Variants in SAMM50 observed in about 807,000 individuals in gnomAD.
SAMM50 encodes the protein sorting and assembly machinery component 50 homolog.
Under a neutral mutation model 66.9 loss-of-function variants are expected in SAMM50, and 47 were observed. The ratio of observed to expected loss-of-function variants is 0.70; its 90% CI spans 0.56 to 0.90. SAMM50 has a LOEUF of 0.90. Among genes scored for constraint, SAMM50 ranks in the 40% least tolerant of loss-of-function variants. SAMM50 has a pLI of 0.00. For synonymous variants in SAMM50, 191 were observed against 214.1 expected (o/e 0.89, Z 0.94); for missense variants, 535 against 595.3 (o/e 0.90, Z 1.05).
In SAMM50 at chr22:43,983,935, T is replaced by C; in HGVS notation, c.1010T>C (p.Phe337Ser). The change falls in exon 12 of 15, where the codon TTT becomes TCT. Residue 337 changes from phenylalanine (F) to serine (S), a missense_variant and splice_region_variant. Physicochemically the swap from Phe to Ser is radical, Grantham distance 155. Transcript: ENST00000350028. This position sits in a 1 kb window ranked among gnomAD's most constrained non-coding sequence, Gnocchi z 4.2. ...ACCTGTGTGCTGTTTTGTCCTAGGT[T>C]TTACCTTGGGGGACCCACAAGCATC... ...GDKPSSIADR[F>S]YLGGPTSIRG... The C allele has an allele frequency of 6.2e-7, 1 of 1,609,972 alleles. No individual in the cohort carries two copies. Among genetic ancestry groups the C allele is most frequent in the South Asian group, 1.1e-5 (1 of 90,190 alleles).
chr22:43,973,179 G>A, intron 6 of SAMM50, 57 bp from the exon 7 acceptor site: 1 of 1,331,060 alleles, frequency 7.5e-7, no homozygotes, highest in South Asian at 1.2e-5. Flanking sequence ...TGATTTAAAT[G>A]TGTGCAAGTT....
chr22:43,961,288 C>T (rs922418921), intron 1 of SAMM50, among the ~76,000 whole-genome samples: 1 of 151,828 alleles, frequency 6.6e-6, no homozygotes, highest in Non-Finnish European at 1.5e-5. Context: ...TGGTGCCACA[C>T]TAGACCTTCT....
At chr22:43,956,538 G>A (rs1304583926) in intron 1 of SAMM50, among the ~76,000 whole-genome samples, 3 of 152,212 alleles carry the variant, frequency 2.0e-5, no homozygotes, top group East Asian at 3.8e-4. Context: ...TGCTCAGTGT[G>A]CTCGATAAGT....
At chr22:43,965,826 A>T (rs2050170379) in intron 3 of SAMM50, among the ~76,000 whole-genome samples, 1 of 151,838 alleles carries the variant, frequency 6.6e-6, no homozygotes, top group East Asian at 1.9e-4. Context: ...ACACTTTCTA[A>T]CTTTTTTAAA....
rs373270753 is a variant in SAMM50 at position 43,983,866 on chromosome 22, C to T, written c.1008-67C>T. ...GTGAGTCTGACATGTGTTTCCTACGCGTTCCGTGTGTCATGTCGTTTCTCA... is the reference window on the plus strand; with the variant it reads ...GTGAGTCTGACATGTGTTTCCTACGTGTTCCGTGTGTCATGTCGTTTCTCA... On this transcript the variant is annotated intron_variant, in intron 11 of 14. Coordinates refer to ENST00000350028, the MANE Select transcript of SAMM50 (RefSeq NM_015380.5). This position sits in a 1 kb window ranked among gnomAD's most constrained non-coding sequence, Gnocchi z 4.2. 44 of 1,113,080 alleles carry T rather than the reference C, an allele frequency of 4.0e-5. No homozygotes were observed. The African/African-American group carries it at 4.2e-4, about 11-fold the overall frequency. 69.0% of individuals were successfully genotyped at this position (1,113,080 alleles called of 1,614,324 possible). A position where few individuals can be genotyped will look rare whatever the true frequency, so the allele number is the denominator to read the frequency against.
At chr22:43,986,053 T>C in intron 12 of SAMM50, among the ~76,000 whole-genome samples, 1 of 126,644 alleles carries the variant, frequency 7.9e-6, no homozygotes, top group Admixed American at 7.7e-5. Flanking sequence ...CTTTTTTTTT[T>C]TTTTTTTGAG....
At chr22:43,957,212 A>C in intron 1 of SAMM50, 1 of 678,536 alleles carries the variant, frequency 1.5e-6, no homozygotes, top group Non-Finnish European at 2.7e-6. Flanking sequence ...AAATCAAACA[A>C]AGCCAGAGTA....
intron 10 of SAMM50, among the ~76,000 whole-genome samples, chr22:43,979,537 G>A (rs1026299095): frequency 3.3e-5 from 5 of 152,018 alleles, no homozygotes; most frequent in South Asian, 2.1e-4. Flanking sequence ...AACCAATGTC[G>A]CGTTCTGAGT....
chr22:43,980,591 A>T (rs1051789805), intron 10 of SAMM50, among the ~76,000 whole-genome samples: 3 of 151,948 alleles, frequency 2.0e-5, no homozygotes, highest in Non-Finnish European at 2.9e-5. Context: ...ACTCTACATG[A>T]GAGGGAAGCC....
At chr22:43,959,507 T>TACACACACACAC (rs138315774) in intron 1 of SAMM50, among the ~76,000 whole-genome samples, 14,750 of 138,392 alleles carry the variant, frequency 0.11, 1,105 homozygotes, top group African/African-American at 0.19. Context: ...TTTTTTATAT[T>TACACACACACAC]ACACACACAC....
At position 43,981,401 on chromosome 22, in the gene SAMM50, C is replaced by A; in HGVS notation, c.947C>A (p.Ala316Glu). ...KQLIFDSVFS[A>E]SFWGGMLVPI... ...TTTCTATTTGAACAGGTTTTTTCAG[C>A]GTCTTTCTGGGGCGGAATGTTGGTA... The change falls in exon 11 of 15, where the codon GCG (alanine) becomes GAG (glutamate). Residue 316 changes from alanine (A) to glutamate (E), a missense_variant. By Grantham distance (107) the Ala-to-Glu change is moderately radical (BLOSUM62 -1). Coordinates refer to ENST00000350028, the MANE Select transcript of SAMM50 (RefSeq NM_015380.5). The A allele has an allele frequency of 6.2e-7, 1 of 1,613,286 alleles. No individual in the cohort carries two copies. The highest frequency in any genetic ancestry group is 8.5e-7 in the Non-Finnish European group (1 of 1,179,344).
rs142374618 is a variant in SAMM50, at chr22:43,973,825, C to T, written c.648+502C>T. 3.5e-3 allele frequency among the ~76,000 whole-genome samples: 531 copies of T among 152,204 alleles called. 3 individuals carry two copies. Among genetic ancestry groups the T allele is most frequent in the African/African-American group, 0.012 (509 of 41,534 alleles). On this transcript the variant is annotated intron_variant, in intron 7 of 14. Coordinates refer to ENST00000350028, the MANE Select transcript of SAMM50 (RefSeq NM_015380.5). Reference sequence around the variant, plus strand: ...TGGCGGTTTCCTTATGTTGGCCAGGCTGGTCTCGAACTCCCGACCTCAAGT... The same window carrying T: ...TGGCGGTTTCCTTATGTTGGCCAGGTTGGTCTCGAACTCCCGACCTCAAGT...
chr22:43,968,669 C>T (rs2050186940), intron 3 of SAMM50, 62 bp from the exon 4 acceptor site: 1 of 1,166,712 alleles, frequency 8.6e-7, no homozygotes, highest in Non-Finnish European at 1.3e-6. Context: ...CGTGTGGCTG[C>T]CATTTGCTGT....
At chr22:43,984,314 A>G (rs2146823766) in intron 12 of SAMM50, among the ~76,000 whole-genome samples, 1 of 152,164 alleles carries the variant, frequency 6.6e-6, no homozygotes, top group Non-Finnish European at 1.5e-5. Flanking sequence ...CTTTGTTTAC[A>G]TATTATTATT....
intron 7 of SAMM50, 33 bp downstream of exon 7, chr22:43,973,356 T>G (rs1428903611): frequency 2.2e-6 from 3 of 1,347,612 alleles, no homozygotes; most frequent in African/African-American, 1.4e-5. Flanking sequence ...CCTCTGGGCT[T>G]GGGGGAAAAC....
chr22:43,962,921 G>A (rs1380632251), intron 1 of SAMM50: 4 of 104,300 alleles, frequency 3.8e-5, no homozygotes, highest in Non-Finnish European at 7.3e-5. Context: ...TTTTAGAGAT[G>A]GGGTCTTGCC....
In SAMM50 at chr22:43,972,286, T is replaced by C. The variant is rs1489531750; in HGVS notation, c.373T>C (p.Leu125=). ...GLDVTFEVTE[L]RRLTGSYNTM... is the part of the protein sequence containing the mutation. ...AGACGTTACCTTTGAAGTAACTGAA[T>C]TGAGGAGATTAACGGGCAGTTATAA... Residue 125 remains leucine (L), a synonymous_variant, in exon 5 of 15, where the codon TTG becomes CTG. Coordinates refer to ENST00000350028, the MANE Select transcript of SAMM50 (RefSeq NM_015380.5). 2 of 1,607,420 alleles carry C rather than the reference T, an allele frequency of 1.2e-6. No individual in the cohort carries two copies. Among genetic ancestry groups the C allele is most frequent in the East Asian group, 2.2e-5 (1 of 44,690 alleles).
chr22:43,968,600 G>C, intron 3 of SAMM50, 131 bp from the exon 4 acceptor site: 11 of 667,584 alleles, frequency 1.6e-5, no homozygotes, highest in Non-Finnish European at 2.4e-5. Context: ...GGCTGGTCTT[G>C]GTAGTGCTCT....
In SAMM50 at chr22:43,984,107, G is replaced by A. The variant is rs1215036451; in HGVS notation, c.1075+107G>A. The A allele has an allele frequency of 9.1e-5, 87 of 954,394 alleles. 1 individual carries two copies. The highest frequency in any genetic ancestry group is 1.3e-4 in the Non-Finnish European group (81 of 646,344). 59.1% of individuals were successfully genotyped at this position (954,394 alleles called of 1,614,324 possible). A position where few individuals can be genotyped will look rare whatever the true frequency, so the allele number is the denominator to read the frequency against. The stretch of plus-strand genomic sequence containing the variant: ...GCGATAATAGACATTCCTCTTTCAC[G>A]GTGGTGGAATTAGCACCTAACACAG... On this transcript the variant is annotated intron_variant, in intron 12 of 14. Coordinates refer to ENST00000350028, the MANE Select transcript of SAMM50 (RefSeq NM_015380.5).
Sources: allele counts gnomAD v4.1 joint callset (sites outside exome capture counted in the v4.1 genomes callset), GRCh38; gene constraint gnomAD v4.1.1; non-coding constraint Gnocchi (gnomAD v3.1); transcripts MANE v1.5; gene names NCBI Gene and HGNC (gene_info 2026-07-23, HGNC 2026-07-21).